Variants in RFX2 observed in about 807,000 individuals in gnomAD.
RFX2 encodes DNA-binding protein RFX2.
RFX2 carries 20 observed loss-of-function variants against 87.8 expected under a neutral mutation model. That is an observed-to-expected ratio of 0.23 (90% confidence interval 0.16 to 0.33). RFX2 has a LOEUF of 0.33. Among genes scored for constraint, RFX2 ranks in the 10% least tolerant of loss-of-function variants. The pLI is 1.00. For missense variants in RFX2, 767 were observed against 1,012.3 expected (o/e 0.76, Z 3.29); for synonymous variants, 397 against 431.3 (o/e 0.92, Z 0.98).
At chr19:6,085,237 T>A (rs781227579) in intron 1 of RFX2, among the ~76,000 whole-genome samples, 2 of 152,208 alleles carry the variant, frequency 1.3e-5, no homozygotes, top group Non-Finnish European at 2.9e-5. Context: ...CTACCAACAG[T>A]TCACATGGGT....
At position 6,026,971 on chromosome 19, in the gene RFX2, G is replaced by T. The variant is rs908467615; in HGVS notation, c.523-734C>A. Among the ~76,000 whole-genome samples, 2 of 152,046 alleles carry T rather than the reference G, an allele frequency of 1.3e-5. No individual in the cohort carries two copies. Among genetic ancestry groups the T allele is most frequent in the African/African-American group, 4.8e-5 (2 of 41,352 alleles). On this transcript the variant is annotated intron_variant, in intron 5 of 17. Coordinates refer to ENST00000303657, the MANE Select transcript of RFX2 (RefSeq NM_000635.4). This position sits in a 1 kb window ranked among gnomAD's most constrained non-coding sequence, Gnocchi z 4.5. ...ATGGAGGTGGGGAGGGAGGTGGGCGGCAGGTCCACGCGATGGAGGAGGCAC... is the reference window on the plus strand; with the variant it reads ...ATGGAGGTGGGGAGGGAGGTGGGCGTCAGGTCCACGCGATGGAGGAGGCAC...
chr19:6,109,137 G>A (rs1056628441), intron 1 of RFX2, among the ~76,000 whole-genome samples: 9 of 151,378 alleles, frequency 5.9e-5, no homozygotes, highest in African/African-American at 2.2e-4. Flanking sequence ...AATGCCTGGA[G>A]CAGTTTAGGT....
At chr19:6,069,038 C>T (rs1197503140) in intron 1 of RFX2, among the ~76,000 whole-genome samples, 2 of 152,098 alleles carry the variant, frequency 1.3e-5, no homozygotes, top group Admixed American at 6.5e-5. Context: ...AGGTTTTTGG[C>T]AACTAAAAGG....
At chr19:6,059,138 C>A (rs558892555) in intron 1 of RFX2, among the ~76,000 whole-genome samples, 29 of 152,250 alleles carry the variant, frequency 1.9e-4, no homozygotes, top group African/African-American at 6.3e-4. Flanking sequence ...CACCAGCACG[C>A]CCGGCTAATT....
At chr19:6,092,998 G>A (rs1487514830) in intron 1 of RFX2, among the ~76,000 whole-genome samples, 2 of 152,150 alleles carry the variant, frequency 1.3e-5, no homozygotes, top group African/African-American at 4.8e-5. Flanking sequence ...AGGTGGCCCC[G>A]GTCCTGCTGG....
intron 16 of RFX2, among the ~76,000 whole-genome samples, chr19:5,996,338 C>T (rs886813776): frequency 2.9e-4 from 12 of 41,630 alleles, no homozygotes; most frequent in Admixed American, 2.4e-4. Context: ...GAGGGACGAG[C>T]GGTCAGCACA....
At chr19:6,079,373 C>A (rs1005858383) in intron 1 of RFX2, among the ~76,000 whole-genome samples, 1 of 152,190 alleles carries the variant, frequency 6.6e-6, no homozygotes, top group Non-Finnish European at 1.5e-5. Flanking sequence ...GACTGACACA[C>A]GCAATGACAG....
Position 6,020,412 on chromosome 19 carries a change from G to A in RFX2, c.598-4141C>T, listed in dbSNP as rs529222506. The A allele has an allele frequency of 2.0e-5, 3 of 152,288 alleles. No homozygotes were observed. The highest frequency in any genetic ancestry group is 2.1e-4 in the South Asian group (1 of 4,822). 9.4% of individuals were successfully genotyped at this position (152,288 alleles called of 1,614,324 possible). Reference sequence around the variant, plus strand: ...AAGAAACCACAGAGAAGACTGAAGCGGCTGGAACAGTCGCGTCTATTTCCT... The same window carrying A: ...AAGAAACCACAGAGAAGACTGAAGCAGCTGGAACAGTCGCGTCTATTTCCT... On this transcript the variant is annotated intron_variant, in intron 6 of 17. Coordinates refer to ENST00000303657, the MANE Select transcript of RFX2 (RefSeq NM_000635.4). The surrounding 1 kb of genome is among the most constrained non-coding windows in gnomAD (Gnocchi z 5.3).
At chr19:6,088,195 G>C (rs1380293067) in intron 1 of RFX2, among the ~76,000 whole-genome samples, 1 of 151,140 alleles carries the variant, frequency 6.6e-6, no homozygotes, top group Non-Finnish European at 1.5e-5. Context: ...CACAGAGAAG[G>C]GCCAGGGCAC....
At position 5,994,957 on chromosome 19, in the gene RFX2, A is replaced by G; in HGVS notation, c.2057-7T>C. The G allele has an allele frequency of 1.3e-6, 2 of 1,595,858 alleles. No individual in the cohort carries two copies. The highest frequency in any genetic ancestry group is 1.7e-6 in the Non-Finnish European group (2 of 1,172,488). On this transcript the variant is annotated splice_region_variant and splice_polypyrimidine_tract_variant and intron_variant, in intron 17 of 17. Coordinates refer to ENST00000303657, the MANE Select transcript of RFX2 (RefSeq NM_000635.4). ...TGCTCATCGCCCATGTCATCTGCGG[A>G]GGGAGGGGTAGGGTCAGTGTCCATC...
chr19:6,003,531 C>T (rs1599840527), intron 13 of RFX2, among the ~76,000 whole-genome samples: 2 of 152,014 alleles, frequency 1.3e-5, no homozygotes, highest in Non-Finnish European at 2.9e-5. Context: ...AATCCCGGTA[C>T]TTTGGGAGGC....
intron 1 of RFX2, among the ~76,000 whole-genome samples, chr19:6,053,504 T>C (rs1478749332): frequency 2.0e-5 from 3 of 152,244 alleles, no homozygotes; most frequent in African/African-American, 7.2e-5. Context: ...GTGAAAATGC[T>C]GTGTTAATGC....
intron 7 of RFX2, among the ~76,000 whole-genome samples, chr19:6,015,581 TG>T (rs1454904720): frequency 6.6e-6 from 1 of 152,046 alleles, no homozygotes; most frequent in Non-Finnish European, 1.5e-5. Flanking sequence ...CTCAACCTCC[TG>T]GGCTCAAGTG....
intron 5 of RFX2, among the ~76,000 whole-genome samples, chr19:6,033,643 A>G (rs1485246342): frequency 6.6e-6 from 1 of 150,470 alleles, no homozygotes; most frequent in Non-Finnish European, 1.5e-5. Flanking sequence ...AAAACCCTAT[A>G]AAACCAGCTT....
chr19:6,023,599 A>G lies in RFX2; in HGVS notation c.597+2564T>C, dbSNP rs1244184603. Reference sequence around the variant, plus strand: ...CTGATCACAGCTCATGACAGAAGGAAACAACTCAACAGCGAATCATCAGTG... The same window carrying G: ...CTGATCACAGCTCATGACAGAAGGAGACAACTCAACAGCGAATCATCAGTG... On this transcript the variant is annotated intron_variant, in intron 6 of 17. Transcript: ENST00000303657. The surrounding 1 kb of genome is among the most constrained non-coding windows in gnomAD (Gnocchi z 4.9). Among the ~76,000 whole-genome samples the G allele has an allele frequency of 6.6e-6, 1 of 152,186 alleles. No individual in the cohort carries two copies. The highest frequency in any genetic ancestry group is 2.4e-5 in the African/African-American group (1 of 41,442).
intron 1 of RFX2, among the ~76,000 whole-genome samples, chr19:6,062,998 T>C (rs2087459345): frequency 6.6e-6 from 1 of 152,166 alleles, no homozygotes; most frequent in South Asian, 2.1e-4. Flanking sequence ...GTCTGTCCTT[T>C]TCTGGTGCCT....
chr19:6,099,997 T>A (rs1317573869), intron 1 of RFX2, among the ~76,000 whole-genome samples: 1 of 152,176 alleles, frequency 6.6e-6, no homozygotes, highest in African/African-American at 2.4e-5. Context: ...CCAAGAATAA[T>A]CTGGCCCCAA....
chr19:6,031,087 A>T (rs538088499), intron 5 of RFX2, among the ~76,000 whole-genome samples: 2 of 152,262 alleles, frequency 1.3e-5, no homozygotes, highest in East Asian at 3.9e-4. Context: ...GGCCACAAAA[A>T]CCTGCCAGCT....
In RFX2 at chr19:6,007,232, C is replaced by G; in HGVS notation, c.1248-66G>C. ...AGGTGGGCTCACTCAGCCACGGGAGCGAGCAGAGAGCCGGGCTGCGGGACT... is the reference window on the plus strand; with the variant it reads ...AGGTGGGCTCACTCAGCCACGGGAGGGAGCAGAGAGCCGGGCTGCGGGACT... On this transcript the variant is annotated intron_variant, in intron 11 of 17. Coordinates refer to ENST00000303657, the MANE Select transcript of RFX2 (RefSeq NM_000635.4). The surrounding 1 kb of genome is among the most constrained non-coding windows in gnomAD (Gnocchi z 8.2). 6.5e-7 allele frequency: 1 copy of G among 1,534,166 alleles called. No homozygotes were observed. Among genetic ancestry groups the G allele is most frequent in the Non-Finnish European group, 8.9e-7 (1 of 1,120,786 alleles).
Sources: gnomAD v4.1 joint callset for allele counts (sites outside exome capture counted in the v4.1 genomes callset) on GRCh38, gnomAD v4.1.1 for gene constraint, Gnocchi (gnomAD v3.1) non-coding constraint, MANE v1.5 for transcripts, NCBI Gene and HGNC (gene_info 2026-07-23, HGNC 2026-07-21) for gene names.